MAST1: variants seen among roughly 807,000 people sequenced by gnomAD.
The protein encoded by MAST1 is microtubule-associated serine/threonine-protein kinase 1.
MAST1 carries 40 observed loss-of-function variants against 124.6 expected under a neutral mutation model. That is an observed-to-expected ratio of 0.32 (90% confidence interval 0.25 to 0.42). The LOEUF is 0.42. Among genes scored for constraint, MAST1 ranks in the 10% least tolerant of loss-of-function variants. The pLI is 1.00. For missense variants in MAST1, 1,558 were observed against 2,181.9 expected (o/e 0.71, Z 5.70); for synonymous variants, 938 against 939.4 (o/e 1.00, Z 0.03).
At chr19:12,840,422 C>T (rs948527253) in intron 1 of MAST1, 24 bp from the exon 2 acceptor site, 70 of 1,556,298 alleles carry the variant, frequency 4.5e-5, no homozygotes, top group Non-Finnish European at 5.6e-5. Context: ...CCGGCCCGGC[C>T]CCCCTGCCTT....
chr19:12,850,242 C>T (rs1014433357), intron 7 of MAST1, among the ~76,000 whole-genome samples: 3 of 152,096 alleles, frequency 2.0e-5, no homozygotes, highest in Non-Finnish European at 4.4e-5. Flanking sequence ...AAACAATAGG[C>T]GTTAGAAGCT....
Position 12,874,209 on chromosome 19 carries a change from C to T in MAST1, c.4052C>T (p.Ser1351Phe), listed in dbSNP as rs1599594430. The T allele has an allele frequency of 6.5e-6, 10 of 1,545,272 alleles. No individual in the cohort carries two copies. The highest frequency in any genetic ancestry group is 2.7e-5 in the African/African-American group (2 of 73,268). The change falls in exon 26 of 26, where the codon TCC (serine) becomes TTC (phenylalanine). Residue 1351 changes from serine to phenylalanine, a missense_variant. By Grantham distance (155) the Ser-to-Phe change is radical (BLOSUM62 -2). This residue lies in a region of MAST1 where 263 missense variants were observed against 310.9 expected (regional missense o/e 0.85). Transcript: ENST00000251472. This position sits in a 1 kb window ranked among gnomAD's most constrained non-coding sequence, Gnocchi z 6.6. ...GADPLLPEGASRPPVSSKEKE... is the reference protein window; with the variant it reads ...GADPLLPEGAFRPPVSSKEKE... The stretch of plus-strand genomic sequence containing the variant: ...GACCCGTTGCTGCCCGAGGGTGCCT[C>T]CAGGCCACCAGTGTCGAGCAAGGAG...
rs1969788772 is a variant in MAST1 at position 12,838,634 on chromosome 19, G to A, written c.62G>A (p.Ser21Asn). 6.2e-7 allele frequency: 1 copy of A among 1,610,160 alleles called. No individual in the cohort carries two copies. The highest frequency in any genetic ancestry group is 1.3e-5 in the African/African-American group (1 of 74,488). ...NFSMPSFPGG[S>N]MFRRTKSCRT... ...TCGATGCCCTCCTTCCCCGGCGGCA[G>A]TATGTTCCGCCGCACCAAGAGGTAG... The change falls in exon 1 of 26, where the codon AGT (serine) becomes AAT (asparagine). Residue 21 changes from serine to asparagine, a missense_variant. Transcript: ENST00000251472. The surrounding 1 kb of genome is among the most constrained non-coding windows in gnomAD (Gnocchi z 4.3).
chr19:12,846,224 A>C (rs1969893202), intron 4 of MAST1, among the ~76,000 whole-genome samples: 1 of 151,106 alleles, frequency 6.6e-6, no homozygotes, highest in South Asian at 2.1e-4. Context: ...ACTTTAAATA[A>C]TTTTAATAAA....
At chr19:12,860,121 T>C (rs1434100933) in intron 12 of MAST1, among the ~76,000 whole-genome samples, 1 of 151,814 alleles carries the variant, frequency 6.6e-6, no homozygotes, top group African/African-American at 2.4e-5. Flanking sequence ...CCTATTTTTC[T>C]TTTTTTTGGG....
At chr19:12,844,886 C>A (rs1969873494) in intron 4 of MAST1, among the ~76,000 whole-genome samples, 1 of 151,956 alleles carries the variant, frequency 6.6e-6, no homozygotes, top group African/African-American at 2.4e-5. Context: ...ACTAAAATTT[C>A]AGTTTGAACC....
chr19:12,871,277 G>T lies in MAST1; in HGVS notation c.3263+105G>T. On this transcript the variant is annotated intron_variant, in intron 24 of 25. Coordinates refer to ENST00000251472, the MANE Select transcript of MAST1 (RefSeq NM_014975.3). ...GGGAAGAGCACGGGAAAGGTGGCGG[G>T]AACAAATGACCAACAAGCAAAGGGA... is the stretch of plus-strand genomic sequence containing the variant. The T allele has an allele frequency of 2.0e-6, 3 of 1,506,394 alleles. No homozygotes were observed. The Admixed American group carries it at 5.9e-5, about 30-fold the overall frequency. 93.3% of individuals were successfully genotyped at this position (1,506,394 alleles called of 1,614,324 possible).
chr19:12,862,541 A>G (rs1970096915), intron 12 of MAST1, among the ~76,000 whole-genome samples: 1 of 152,142 alleles, frequency 6.6e-6, no homozygotes, highest in East Asian at 1.9e-4. Context: ...GTAGCTTACG[A>G]CTGTAATCCC....
In MAST1 at chr19:12,841,211, G is replaced by A; in HGVS notation, c.248+145G>A. 1 of 603,282 alleles carries A rather than the reference G, an allele frequency of 1.7e-6. No homozygotes were observed. The highest frequency in any genetic ancestry group is 2.9e-5 in the East Asian group (1 of 34,000). The allele number at this position is 603,282 out of a possible 1,614,324, so 37.4% of individuals were successfully genotyped here. A position where few individuals can be genotyped will look rare whatever the true frequency, so the allele number is the denominator to read the frequency against. On this transcript the variant is annotated intron_variant, in intron 3 of 25. Coordinates refer to ENST00000251472, the MANE Select transcript of MAST1 (RefSeq NM_014975.3). This position sits in a 1 kb window ranked among gnomAD's most constrained non-coding sequence, Gnocchi z 4.3. ...TGCCCCAAGGTCTCAGCGGGAAGGAGCGCCTAGCCTTCGGGGCGGGGCCTA... is the reference window on the plus strand; with the variant it reads ...TGCCCCAAGGTCTCAGCGGGAAGGAACGCCTAGCCTTCGGGGCGGGGCCTA...
At position 12,838,531 on chromosome 19, in the gene MAST1, C is replaced by G; in HGVS notation, c.-42C>G. 1 of 1,432,926 alleles carries G rather than the reference C, an allele frequency of 7.0e-7. No individual in the cohort carries two copies. Among genetic ancestry groups the G allele is most frequent in the Non-Finnish European group, 9.3e-7 (1 of 1,079,900 alleles). The allele number at this position is 1,432,926 out of a possible 1,614,324, so 88.8% of individuals were successfully genotyped here. Reference sequence around the variant, plus strand: ...CGCGCCGCCGCCGCCGCCGCCTCCGCCGCTGCTGCCGCACCTGCCACCATG... The same window carrying G: ...CGCGCCGCCGCCGCCGCCGCCTCCGGCGCTGCTGCCGCACCTGCCACCATG... On this transcript the variant is annotated 5_prime_UTR_variant, in exon 1 of 26. Transcript: ENST00000251472. The surrounding 1 kb of genome is among the most constrained non-coding windows in gnomAD (Gnocchi z 4.3).
In MAST1 at chr19:12,866,758, G is replaced by A; in HGVS notation, c.2135G>A (p.Ser712Asn). 1 of 1,612,564 alleles carries A rather than the reference G, an allele frequency of 6.2e-7. No individual in the cohort carries two copies. ...TTCTCTTCCTGCTCTCCGCGCTTCA[G>A]CAAGGTGGGCCAAGTCTGGGTGTGG... is the stretch of plus-strand genomic sequence containing the variant. ...RQFSSCSPRFSKVYSSMEQLS... is the reference protein window; with the variant it reads ...RQFSSCSPRFNKVYSSMEQLS... The change falls in exon 18 of 26, where the codon AGC (serine) becomes AAC (asparagine). Residue 712 changes from serine (S) to asparagine (N), a missense_variant. Physicochemically the swap from Ser to Asn is conservative, Grantham distance 46. Transcript: ENST00000251472. This position sits in a 1 kb window ranked among gnomAD's most constrained non-coding sequence, Gnocchi z 5.2.
At position 12,874,175 on chromosome 19, in the gene MAST1, C is replaced by G. The variant is rs1422408077; in HGVS notation, c.4018C>G (p.Leu1340Val). The G allele has an allele frequency of 6.5e-7, 1 of 1,541,806 alleles. No homozygotes were observed. Among genetic ancestry groups the G allele is most frequent in the African/African-American group, 1.4e-5 (1 of 73,100 alleles). ...RLGRQESPLS[L>V]GADPLLPEGA... ...GGGCCGACAGGAGTCACCTTTGAGC[C>G]TGGGCGCGGACCCGTTGCTGCCCGA... Residue 1340 changes from leucine (L) to valine (V), a missense_variant, in exon 26 of 26, where the codon CTG (leucine) becomes GTG (valine). Leu to Val is a conservative substitution (Grantham distance 32). This residue lies in a region of MAST1 where 263 missense variants were observed against 310.9 expected (regional missense o/e 0.85). Coordinates refer to ENST00000251472, the MANE Select transcript of MAST1 (RefSeq NM_014975.3). This position sits in a 1 kb window ranked among gnomAD's most constrained non-coding sequence, Gnocchi z 6.6.
rs1568408202 is a variant in MAST1 at position 12,847,731 on chromosome 19, G to C, written c.564+44G>C. 1 of 1,603,800 alleles carries C rather than the reference G, an allele frequency of 6.2e-7. No individual in the cohort carries two copies. ...CGGTCACGGGGTGACCAGGCGGCCT[G>C]CACTCTCGCTCGCCTTATCCCCGCG... On this transcript the variant is annotated intron_variant, in intron 6 of 25. Transcript: ENST00000251472. The surrounding 1 kb of genome is among the most constrained non-coding windows in gnomAD (Gnocchi z 5.5).
intron 10 of MAST1, among the ~76,000 whole-genome samples, chr19:12,853,113 G>C (rs1239236105): frequency 6.6e-6 from 1 of 150,676 alleles, no homozygotes; most frequent in Non-Finnish European, 1.5e-5. Context: ...TGGGATTACA[G>C]GCATGTAACA....
chr19:12,871,264 G>C, intron 24 of MAST1, 92 bp downstream of exon 24: 2 of 1,551,928 alleles, frequency 1.3e-6, no homozygotes, highest in East Asian at 2.3e-5. Flanking sequence ...GAAGAGCACG[G>C]GAAAGGTGGC....
rs140863522 is a variant in MAST1, at chr19:12,843,973, G to A, written c.327+366G>A. ...GCTGAGATCGCACTGCAGCATTCCA[G>A]TCTGGATGACAGAGTGAGACCCTGT... On this transcript the variant is annotated intron_variant, in intron 4 of 25. Coordinates refer to ENST00000251472, the MANE Select transcript of MAST1 (RefSeq NM_014975.3). The surrounding 1 kb of genome is among the most constrained non-coding windows in gnomAD (Gnocchi z 4.9). 1.7e-3 allele frequency among the ~76,000 whole-genome samples: 256 copies of A among 152,276 alleles called. 1 individual carries two copies. Among genetic ancestry groups the A allele is most frequent in the African/African-American group, 6.0e-3 (249 of 41,542 alleles).
At chr19:12,867,437 A>G in intron 18 of MAST1, 37 bp from the exon 19 acceptor site, 2 of 1,609,722 alleles carry the variant, frequency 1.2e-6, no homozygotes, top group Non-Finnish European at 1.7e-6. Flanking sequence ...GTGAAAGTGG[A>G]ACCCGGGCTG....
chr19:12,868,270 G>A (rs1421847388), intron 20 of MAST1, among the ~76,000 whole-genome samples: 2 of 151,278 alleles, frequency 1.3e-5, no homozygotes, highest in Non-Finnish European at 2.9e-5. Context: ...CACTACCCCC[G>A]GCTAATTTTT....
rs752912084 is a variant in MAST1 at position 12,865,280 on chromosome 19, C to T, written c.1639-36C>T. The T allele has an allele frequency of 1.9e-6, 3 of 1,579,220 alleles. No homozygotes were observed. Among genetic ancestry groups the T allele is most frequent in the Middle Eastern group, 1.7e-4 (1 of 5,864 alleles). On this transcript the variant is annotated intron_variant, in intron 14 of 25. Transcript: ENST00000251472. This position sits in a 1 kb window ranked among gnomAD's most constrained non-coding sequence, Gnocchi z 7.1. ...GCACAGCTCTCCCTTGAGGGCCCTC[C>T]TCTGGCTGGGGCGTGGGCTGACAGC...
Sources: allele counts gnomAD v4.1 joint callset (sites outside exome capture counted in the v4.1 genomes callset), GRCh38; gene constraint gnomAD v4.1.1; regional missense constraint gnomAD v4.1.1; non-coding constraint Gnocchi (gnomAD v3.1); transcripts MANE v1.5; gene names NCBI Gene and HGNC (gene_info 2026-07-23, HGNC 2026-07-21).